The following RTEL1 variants were observed in gnomAD, a reference collection of about 807,000 sequenced individuals.
RTEL1 encodes regulator of telomere elongation helicase 1.
RTEL1 carries 86 observed loss-of-function variants against 162.2 expected under a neutral mutation model. The ratio of observed to expected loss-of-function variants is 0.53; its 90% CI spans 0.45 to 0.63. RTEL1 has a LOEUF of 0.63. Among genes scored for constraint, RTEL1 ranks in the 30% least tolerant of loss-of-function variants. The probability of loss-of-function intolerance (pLI) is 0.00; values close to 1 mark genes in which losing one functional copy is unlikely to be tolerated. For synonymous variants in RTEL1, 958 were observed against 717.9 expected, an observed-to-expected ratio of 1.33 and a Z score of -5.35; for missense variants, 1,941 against 1,750.2, an observed-to-expected ratio of 1.11 and a Z score of -1.95.
In RTEL1 at chr20:63,692,966, C is replaced by G. The variant is rs757150825; in HGVS notation, c.2814C>G (p.Leu938=). The part of the protein sequence containing the change: ...FAALAACLGP[L]FAEDPKKHNL... ...CCCTGGCCGCCTGTCTCGGCCCCCT[C>G]TTTGCTGAGGACCCCAAGAAGCACA... is the stretch of plus-strand genomic sequence containing the variant. The change falls in exon 29 of 35, where the codon CTC becomes CTG. Residue 938 remains leucine (L), a synonymous_variant. Transcript: ENST00000360203. 1.9e-6 allele frequency: 3 copies of G among 1,612,546 alleles called. No homozygotes were observed. The highest frequency in any genetic ancestry group is 1.3e-5 in the African/African-American group (1 of 74,948).
In RTEL1 at chr20:63,693,181, T is replaced by C; in HGVS notation, c.2890T>C (p.Phe964Leu). 6.2e-7 allele frequency: 1 copy of C among 1,612,152 alleles called. No individual in the cohort carries two copies. Among genetic ancestry groups the C allele is most frequent in the Non-Finnish European group, 8.5e-7 (1 of 1,179,542 alleles). Residue 964 changes from phenylalanine to leucine, a missense_variant, in exon 30 of 35, where the codon TTT becomes CTT. Transcript: ENST00000360203. ...TGTGCGGCCCCACCATAAGCAGCAG[T>C]TTGAGGAGGTCTGTATCCAGCTGAC... ...QFVRPHHKQQ[F>L]EEVCIQLTGR...
At position 63,695,373 on chromosome 20, in the gene RTEL1, C is replaced by T. The variant is rs770535334; in HGVS notation, c.3545C>T (p.Ser1182Leu). 9 of 1,548,584 alleles carry T rather than the reference C, an allele frequency of 5.8e-6. No individual in the cohort carries two copies. The highest frequency in any genetic ancestry group is 5.7e-5 in the Admixed American group (3 of 52,510). ...ACCGGGAAGACCCAGAGCAAGATCT[C>T]GTCCTTCCTTAGACAGAGGCCAGCA... ...EKTGKTQSKI[S>L]SFLRQRPAGT... Residue 1182 changes from serine to leucine, a missense_variant, in exon 34 of 35, where the codon TCG becomes TTG. Transcript: ENST00000360203.
Position 63,659,247 on chromosome 20 carries a change from G to A in RTEL1, c.-156G>A, listed in dbSNP as rs751593587. The A allele has an allele frequency of 1.5e-6, 1 of 648,522 alleles. No individual in the cohort carries two copies. Among genetic ancestry groups the A allele is most frequent in the Non-Finnish European group, 2.8e-6 (1 of 351,432 alleles). The allele number at this position is 648,522 out of a possible 1,614,324, so 40.2% of individuals were successfully genotyped here. Reference sequence around the variant, plus strand: ...GTCTTTCCCAGGTCTGTGCCATAGGGATTCTCGAAGAGAACAGCGTTGTGT... The same window carrying A: ...GTCTTTCCCAGGTCTGTGCCATAGGAATTCTCGAAGAGAACAGCGTTGTGT... On this transcript the variant is annotated 5_prime_UTR_variant, in exon 2 of 35. Transcript: ENST00000360203.
chr20:63,689,736 G>C lies in RTEL1; in HGVS notation c.2026-14G>C, dbSNP rs753171579. 4 of 1,609,414 alleles carry C rather than the reference G, an allele frequency of 2.5e-6. No individual in the cohort carries two copies. The highest frequency in any genetic ancestry group is 2.7e-5 in the African/African-American group (2 of 74,882). ...CCAAGGGAGCCCCCGTGACCGAGCC[G>C]CCTCGCCCCACAGTTCCTCTCTGGG... On this transcript the variant is annotated splice_polypyrimidine_tract_variant and intron_variant, in intron 23 of 34. Coordinates refer to ENST00000360203, the MANE Select transcript of RTEL1 (RefSeq NM_001283009.2).
chr20:63,692,503 G>T, intron 28 of RTEL1: 1 of 468,230 alleles, frequency 2.1e-6, no homozygotes, highest in South Asian at 2.4e-5. Context: ...CTTGAGGGAG[G>T]AGGAGAGAGA....
In RTEL1 at chr20:63,689,865, G is replaced by A. The variant is rs745438492; in HGVS notation, c.2141G>A (p.Arg714Lys). 6.2e-7 allele frequency: 1 copy of A among 1,607,054 alleles called. No individual in the cohort carries two copies. The change falls in exon 24 of 35, where the codon AGG becomes AAG. Residue 714 changes from arginine (R) to lysine (K), a missense_variant and splice_region_variant. Arg to Lys is a conservative substitution (Grantham distance 26). Coordinates refer to ENST00000360203, the MANE Select transcript of RTEL1 (RefSeq NM_001283009.2). ...GGAGCTGTCTTCCTCTGTGACCACA[G>A]GTGCGTGCAGTCCGGTGGCAGGCGC... ...DYGAVFLCDH[R>K]FAFADARAQL...
chr20:63,669,361 G>A (rs1360517014), intron 8 of RTEL1, among the ~76,000 whole-genome samples: 1 of 152,142 alleles, frequency 6.6e-6, no homozygotes, highest in Non-Finnish European at 1.5e-5. Context: ...TGCAACTTTG[G>A]GGTAGGCAGA....
At chr20:63,678,413 A>G in intron 12 of RTEL1, 67 bp downstream of exon 12, 4 of 1,447,530 alleles carry the variant, frequency 2.8e-6, no homozygotes, top group South Asian at 2.4e-5. Context: ...GCCATGGTGC[A>G]GTCCTGGGCT....
At chr20:63,672,043 C>G (rs1051066285) in intron 8 of RTEL1, among the ~76,000 whole-genome samples, 15 of 150,816 alleles carry the variant, frequency 9.9e-5, no homozygotes, top group Admixed American at 4.0e-4. Flanking sequence ...ACCACCACCC[C>G]CTGCTAATTT....
intron 27 of RTEL1, 108 bp downstream of exon 27, chr20:63,691,055 C>T (rs1016145744): frequency 2.5e-6 from 3 of 1,220,020 alleles, no homozygotes; most frequent in Non-Finnish European, 2.2e-6. Flanking sequence ...TGTAAATCCC[C>T]TGCCTGGCAG....
intron 29 of RTEL1, 59 bp downstream of exon 29, chr20:63,693,062 TG>T: frequency 1.9e-6 from 3 of 1,609,554 alleles, no homozygotes; most frequent in Non-Finnish European, 2.5e-6. Flanking sequence ...GCGTGTGGGG[TG>T]GGGGCCATCT....
At chr20:63,675,333 C>A (rs751901753) in intron 10 of RTEL1, among the ~76,000 whole-genome samples, 20 of 152,320 alleles carry the variant, frequency 1.3e-4, no homozygotes, top group South Asian at 2.1e-4. Context: ...CAGCTTCCCC[C>A]ATTTTCCTTT....
At position 63,680,673 on chromosome 20, in the gene RTEL1, T is replaced by C. The variant is rs778730878; in HGVS notation, c.1145T>C (p.Val382Ala). The part of the protein sequence containing the change: ...IIQHLAGRAG[V>A]FTNTAGLQKL... ...CCCTGCTGCCCTCCAGGTGCTGGAG[T>C]GTTCACCAACACGGCCGGACTGCAG... The change falls in exon 14 of 35, where the codon GTG (valine) becomes GCG (alanine). Residue 382 changes from valine to alanine, a missense_variant. Physicochemically the swap from Val to Ala is moderately conservative, Grantham distance 64 (BLOSUM62 0). Coordinates refer to ENST00000360203, the MANE Select transcript of RTEL1 (RefSeq NM_001283009.2). 17 of 1,612,950 alleles carry C rather than the reference T, an allele frequency of 1.1e-5. No individual in the cohort carries two copies. The highest frequency in any genetic ancestry group is 2.2e-5 in the East Asian group (1 of 44,854).
At chr20:63,694,682 GGTGGGACTCTCA>G in intron 31 of RTEL1, 47 bp from the exon 32 acceptor site, 1 of 1,429,198 alleles carries the variant, frequency 7.0e-7, no homozygotes, top group South Asian at 1.3e-5. Context: ...CGGGCAGGGC[GGTGGGACTCTCA>G]GTCCTCCACC....
chr20:63,673,119 C>T (rs1482781856), intron 9 of RTEL1, among the ~76,000 whole-genome samples: 4 of 151,358 alleles, frequency 2.6e-5, no homozygotes, highest in Non-Finnish European at 5.9e-5. Context: ...GTTGACTGGG[C>T]GCGCTAGCTC....
rs373703233 is a variant in RTEL1, at chr20:63,693,459, ACCT to A, written c.2992+179_2992+181del. ...CACCAGCACCAGCAGCACCACCTCCACCTCCACCTCCACCTCCACCTCCACCAC... is the reference window on the plus strand; with the variant it reads ...CACCAGCACCAGCAGCACCACCTCCACCACCTCCACCTCCACCTCCACCAC... On this transcript the variant is annotated intron_variant, in intron 30 of 34. Transcript: ENST00000360203. 0.17 allele frequency among the ~76,000 whole-genome samples: 3,003 copies of A among 18,178 alleles called. 641 individuals are homozygous for A. Among genetic ancestry groups the A allele is most frequent in the South Asian group, 0.21 (99 of 482 alleles). 11.9% of individuals were successfully genotyped at this position (18,178 alleles called of 152,430 possible).
chr20:63,660,917 G>T, intron 2 of RTEL1: 1 of 220,110 alleles, frequency 4.5e-6, no homozygotes, highest in Admixed American at 5.3e-5. Context: ...TCCTGCTCAG[G>T]TTCCCGTCTG....
intron 8 of RTEL1, among the ~76,000 whole-genome samples, chr20:63,671,515 T>C (rs1205050433): frequency 6.6e-6 from 1 of 151,898 alleles, no homozygotes; most frequent in Non-Finnish European, 1.5e-5. Context: ...GGGGTCTTGC[T>C]CTGTCACCCA....
In RTEL1 at chr20:63,689,112, C is replaced by G. The variant is rs368411912; in HGVS notation, c.1858C>G (p.Leu620Val). 7 of 1,609,904 alleles carry G rather than the reference C, an allele frequency of 4.3e-6. No homozygotes were observed. The African/African-American group carries it at 6.7e-5, about 15-fold the overall frequency. The change falls in exon 22 of 35, where the codon CTG becomes GTG. Residue 620 changes from leucine (L) to valine (V), a missense_variant. By Grantham distance (32) the Leu-to-Val change is conservative. Transcript: ENST00000360203. ...AAPGSTGATF[L>V]AVCRGKASEG... ...CCCTGGGTCCACCGGCGCCACCTTC[C>G]TGGCGGTCTGCCGGGGCAAGGTGAG...
Sources: allele counts gnomAD v4.1 joint callset (sites outside exome capture counted in the v4.1 genomes callset), GRCh38; gene constraint gnomAD v4.1.1; transcripts MANE v1.5; gene names NCBI Gene and HGNC (gene_info 2026-07-23, HGNC 2026-07-21).